Variants in KRTAP12-2 observed in about 807,000 individuals in gnomAD.
The protein encoded by KRTAP12-2 is keratin associated protein 12-2, also known as keratin-associated protein 12-2.
For missense variants in KRTAP12-2, 166 were observed against 184.2 expected (o/e 0.90, Z 0.57); for synonymous variants, 73 against 83.9 (o/e 0.87, Z 0.71).
chr21:44,666,697 C>T lies in KRTAP12-2; in HGVS notation c.190G>A (p.Val64Met). The stretch of plus-strand genomic sequence containing the variant: ...GACTTGAAGCTCATGGGCACACACA[C>T]AGAAGACTGGCAGCTCACGGGCAGG... ...VCLPVSCQSS[V>M]CVPMSFKSAV... The change falls in exon 1 of 1, where the codon GTG becomes ATG. Residue 64 changes from valine (V) to methionine (M), a missense_variant. Physicochemically the swap from Val to Met is conservative, Grantham distance 21. Coordinates refer to ENST00000360770, the MANE Select transcript of KRTAP12-2 (RefSeq NM_181684.3). The T allele has an allele frequency of 1.9e-6, 3 of 1,613,634 alleles. No homozygotes were observed. Among genetic ancestry groups the T allele is most frequent in the Non-Finnish European group, 2.5e-6 (3 of 1,179,804 alleles).
Position 44,666,558 on chromosome 21 carries a change from C to T in KRTAP12-2, c.329G>A (p.Cys110Tyr). The T allele has an allele frequency of 6.3e-7, 1 of 1,599,826 alleles. No homozygotes were observed. Reference protein sequence around the residue: ...CQSSLCVPVSCRPVVYAAPSC... With the variant: ...CQSSLCVPVSYRPVVYAAPSC... ...CGGAGCCGCATACACGACAGGCCTG[C>T]AGCTCACAGGCACGCACAGGGAGGA... The change falls in exon 1 of 1, where the codon TGC becomes TAC. Residue 110 changes from cysteine to tyrosine, a missense_variant. Physicochemically the swap from Cys to Tyr is radical, Grantham distance 194. Coordinates refer to ENST00000360770, the MANE Select transcript of KRTAP12-2 (RefSeq NM_181684.3).
In KRTAP12-2 at chr21:44,666,607, C is replaced by T. The variant is rs781791515; in HGVS notation, c.280G>A (p.Val94Met). ...GACTGGCAGGAGGGGGCTGCACACACAATGGGCCTGCAGCTCACAGGCACA... is the reference window on the plus strand; with the variant it reads ...GACTGGCAGGAGGGGGCTGCACACATAATGGGCCTGCAGCTCACAGGCACA... ...VCVPVSCRPI[V>M]CAAPSCQSSL... The change falls in exon 1 of 1, where the codon GTG becomes ATG. Residue 94 changes from valine (V) to methionine (M), a missense_variant. Coordinates refer to ENST00000360770, the MANE Select transcript of KRTAP12-2 (RefSeq NM_181684.3). 2.5e-5 allele frequency: 41 copies of T among 1,613,166 alleles called. No homozygotes were observed. Among genetic ancestry groups the T allele is most frequent in the Non-Finnish European group, 3.4e-5 (40 of 1,179,458 alleles).
chr21:44,666,888 G>A lies in KRTAP12-2; in HGVS notation c.-2C>T, dbSNP rs375178072. The A allele has an allele frequency of 2.2e-5, 36 of 1,612,830 alleles. No homozygotes were observed. The East Asian group carries it at 7.1e-4, about 32-fold the overall frequency. ...CGAGGAGCAGCTGGTATGACACATG[G>A]TGGCGTGTGGCTGGATAAGGTCGAG... On this transcript the variant is annotated 5_prime_UTR_variant, in exon 1 of 1. Transcript: ENST00000360770.
Position 44,666,330 on chromosome 21 carries a change from C to A in KRTAP12-2, c.*116G>T. The stretch of plus-strand genomic sequence containing the variant: ...TTCTCAATCCAGAATTCAGAGGGTT[C>A]AACTGAGCATGCTTTTCACCTGCAC... On this transcript the variant is annotated 3_prime_UTR_variant, in exon 1 of 1. Transcript: ENST00000360770. 1 of 1,220,836 alleles carries A rather than the reference C, an allele frequency of 8.2e-7. No individual in the cohort carries two copies. The highest frequency in any genetic ancestry group is 1.2e-6 in the Non-Finnish European group (1 of 868,700). The allele number at this position is 1,220,836 out of a possible 1,614,324, so 75.6% of individuals were successfully genotyped here.
chr21:44,666,460 A>C lies in KRTAP12-2; in HGVS notation c.427T>G (p.Ser143Ala), dbSNP rs2838622. The C allele has an allele frequency of 2.5e-6, 4 of 1,584,624 alleles. No homozygotes were observed. The highest frequency in any genetic ancestry group is 3.4e-6 in the Non-Finnish European group (4 of 1,163,938). ...VLCRPISYSI[S>A]SCC ...GAGATTCATGCTCAGCAGCAGGAAG[A>C]GATACTGTAGGAGATGGGTCTGCAG... The change falls in exon 1 of 1, where the codon TCT becomes GCT. Residue 143 changes from serine (S) to alanine (A), a missense_variant. Coordinates refer to ENST00000360770, the MANE Select transcript of KRTAP12-2 (RefSeq NM_181684.3).
Position 44,666,801 on chromosome 21 carries a change from G to T in KRTAP12-2, c.86C>A (p.Ser29Tyr), listed in dbSNP as rs7275281. 1.2e-4 allele frequency: 190 copies of T among 1,613,362 alleles called. 1 individual carries two copies. Among genetic ancestry groups the T allele is most frequent in the South Asian group, 4.6e-4 (42 of 91,076 alleles). The change falls in exon 1 of 1, where the codon TCC becomes TAC. Residue 29 changes from serine to tyrosine, a missense_variant. Physicochemically the swap from Ser to Tyr is moderately radical, Grantham distance 144 (BLOSUM62 -2). Coordinates refer to ENST00000360770, the MANE Select transcript of KRTAP12-2 (RefSeq NM_181684.3). ...PCQPACCVPS[S>Y]CQASCCVPVG... ...AGGCACACAGCAGGATGCCTGGCAG[G>T]AGCTGGGCACACAACAGGCTGGCTG...
Position 44,666,267 on chromosome 21 carries a change from G to T in KRTAP12-2, c.*179C>A. On this transcript the variant is annotated 3_prime_UTR_variant, in exon 1 of 1. Transcript: ENST00000360770. ...GGACCCCAGACTTCCCTGGGGGGAT[G>T]GGCAAGGTCAGCAAGGGCTCCAGAT... 1 of 773,644 alleles carries T rather than the reference G, an allele frequency of 1.3e-6. No homozygotes were observed. Among genetic ancestry groups the T allele is most frequent in the Non-Finnish European group, 2.0e-6 (1 of 495,940 alleles). 47.9% of individuals were successfully genotyped at this position (773,644 alleles called of 1,614,324 possible). A position where few individuals can be genotyped will look rare whatever the true frequency, so the allele number is the denominator to read the frequency against.
In KRTAP12-2 at chr21:44,666,872, G is replaced by T; in HGVS notation, c.15C>A (p.Ser5Arg). ...AGGCTGGCTGGCAGCCCGAGGAGCA[G>T]CTGGTATGACACATGGTGGCGTGTG... Reference protein sequence around the residue: MCHTSCSSGCQPACC... With the variant: MCHTRCSSGCQPACC... Residue 5 changes from serine to arginine, a missense_variant, in exon 1 of 1, where the codon AGC (serine) becomes AGA (arginine). Physicochemically the swap from Ser to Arg is moderately radical, Grantham distance 110 (BLOSUM62 -1). Coordinates refer to ENST00000360770, the MANE Select transcript of KRTAP12-2 (RefSeq NM_181684.3). 1 of 1,613,654 alleles carries T rather than the reference G, an allele frequency of 6.2e-7. No homozygotes were observed. Among genetic ancestry groups the T allele is most frequent in the South Asian group, 1.1e-5 (1 of 91,012 alleles).
chr21:44,666,907 G>C lies in KRTAP12-2; in HGVS notation c.-21C>G. The C allele has an allele frequency of 6.2e-7, 1 of 1,608,620 alleles. No homozygotes were observed. Among genetic ancestry groups the C allele is most frequent in the Non-Finnish European group, 8.5e-7 (1 of 1,176,576 alleles). On this transcript the variant is annotated 5_prime_UTR_variant, in exon 1 of 1. Coordinates refer to ENST00000360770, the MANE Select transcript of KRTAP12-2 (RefSeq NM_181684.3). ...CACATGGTGGCGTGTGGCTGGATAA[G>C]GTCGAGGCAGAGGGCAGTGATGTCT...
Position 44,666,612 on chromosome 21 carries a change from G to C in KRTAP12-2, c.275C>G (p.Pro92Arg). The C allele has an allele frequency of 6.2e-7, 1 of 1,614,106 alleles. No homozygotes were observed. Among genetic ancestry groups the C allele is most frequent in the Non-Finnish European group, 8.5e-7 (1 of 1,180,014 alleles). ...GCAGGAGGGGGCTGCACACACAATG[G>C]GCCTGCAGCTCACAGGCACACACAC... ...SSVCVPVSCRPIVCAAPSCQS... is the reference protein window; with the variant it reads ...SSVCVPVSCRRIVCAAPSCQS... The change falls in exon 1 of 1, where the codon CCC (proline) becomes CGC (arginine). Residue 92 changes from proline to arginine, a missense_variant. Transcript: ENST00000360770.
chr21:44,666,815 AC>A, the KRTAP12-2 span: 1 of 1,610,872 alleles, frequency 6.2e-7, no homozygotes, highest in East Asian at 2.2e-5. Flanking sequence ...TGGGCACACA[AC>A]AGGCTGGCTG....
rs1207654273 is a variant in KRTAP12-2, at chr21:44,666,295, TTC to T, written c.*149_*150del. On this transcript the variant is annotated 3_prime_UTR_variant, in exon 1 of 1. Coordinates refer to ENST00000360770, the MANE Select transcript of KRTAP12-2 (RefSeq NM_181684.3). ...CAAGGTCAGCAAGGGCTCCAGATCA[TTC>T]TGTCACATTCTCAATCCAGAATTCA... 1.0e-6 allele frequency: 1 copy of T among 998,236 alleles called. No individual in the cohort carries two copies. The highest frequency in any genetic ancestry group is 1.5e-6 in the Non-Finnish European group (1 of 683,966). The allele number at this position is 998,236 out of a possible 1,614,324, so 61.8% of individuals were successfully genotyped here.
In KRTAP12-2 at chr21:44,666,752, A is replaced by C; in HGVS notation, c.135T>G (p.Cys45Trp). Residue 45 changes from cysteine (C) to tryptophan (W), a missense_variant, in exon 1 of 1, where the codon TGT becomes TGG. Coordinates refer to ENST00000360770, the MANE Select transcript of KRTAP12-2 (RefSeq NM_181684.3). ...CVPVGCQSSV[C>W]VPVSFKPAVC... Reference sequence around the variant, plus strand: ...CGGCTGGCTTGAAGCTCACGGGCACACACACGGAGGACTGGCAGCCCACAG... The same window carrying C: ...CGGCTGGCTTGAAGCTCACGGGCACCCACACGGAGGACTGGCAGCCCACAG... 6.2e-7 allele frequency: 1 copy of C among 1,613,998 alleles called. No individual in the cohort carries two copies. The highest frequency in any genetic ancestry group is 8.5e-7 in the Non-Finnish European group (1 of 1,179,940).
rs1247674989 is a variant in KRTAP12-2 at position 44,666,330 on chromosome 21, C to T, written c.*116G>A. 2.5e-5 allele frequency: 30 copies of T among 1,220,716 alleles called. No homozygotes were observed. The highest frequency in any genetic ancestry group is 1.5e-5 in the South Asian group (1 of 66,458). 75.6% of individuals were successfully genotyped at this position (1,220,716 alleles called of 1,614,324 possible). A position where few individuals can be genotyped will look rare whatever the true frequency, so the allele number is the denominator to read the frequency against. ...TTCTCAATCCAGAATTCAGAGGGTT[C>T]AACTGAGCATGCTTTTCACCTGCAC... On this transcript the variant is annotated 3_prime_UTR_variant, in exon 1 of 1. Transcript: ENST00000360770.
chr21:44,666,402 G>A lies in KRTAP12-2; in HGVS notation c.*44C>T. Reference sequence around the variant, plus strand: ...GGACTCATCCAGGGAGTGTACAGGTGTGGCCTCATCTGCACTGGGAGCAGC... The same window carrying A: ...GGACTCATCCAGGGAGTGTACAGGTATGGCCTCATCTGCACTGGGAGCAGC... On this transcript the variant is annotated 3_prime_UTR_variant, in exon 1 of 1. Transcript: ENST00000360770. 2 of 1,548,168 alleles carry A rather than the reference G, an allele frequency of 1.3e-6. No individual in the cohort carries two copies. The highest frequency in any genetic ancestry group is 1.7e-6 in the Non-Finnish European group (2 of 1,144,870).
chr21:44,666,200 A>G lies in KRTAP12-2; in HGVS notation c.*246T>C, dbSNP rs190341969. The G allele has an allele frequency of 3.1e-3, 1,562 of 501,818 alleles. 4 individuals carry two copies. Among genetic ancestry groups the G allele is most frequent in the Non-Finnish European group, 4.4e-3 (1,253 of 285,766 alleles). 31.1% of individuals were successfully genotyped at this position (501,818 alleles called of 1,614,324 possible). On this transcript the variant is annotated 3_prime_UTR_variant, in exon 1 of 1. Transcript: ENST00000360770. ...CAGAAATGCAGAGCTGCATGGGGAA[A>G]GCTGGTTTATTTGGCTCTCATGGGG...
chr21:44,666,377 G>A lies in KRTAP12-2; in HGVS notation c.*69C>T, dbSNP rs1404829631. The A allele has an allele frequency of 2.0e-6, 3 of 1,485,728 alleles. No individual in the cohort carries two copies. Among genetic ancestry groups the A allele is most frequent in the African/African-American group, 1.4e-5 (1 of 71,212 alleles). The allele number at this position is 1,485,728 out of a possible 1,614,324, so 92.0% of individuals were successfully genotyped here. On this transcript the variant is annotated 3_prime_UTR_variant, in exon 1 of 1. Transcript: ENST00000360770. ...GCACCATGTGCAGAAGACCAACTGA[G>A]GACTCATCCAGGGAGTGTACAGGTG...
Position 44,666,219 on chromosome 21 carries a change from C to G in KRTAP12-2, c.*227G>C. ...GGGGAAAGCTGGTTTATTTGGCTCT[C>G]ATGGGGTCAGAGAATGACTCTGGGA... is the stretch of plus-strand genomic sequence containing the variant. On this transcript the variant is annotated 3_prime_UTR_variant, in exon 1 of 1. Transcript: ENST00000360770. 1.9e-6 allele frequency: 1 copy of G among 536,962 alleles called. No homozygotes were observed. Among genetic ancestry groups the G allele is most frequent in the Non-Finnish European group, 3.3e-6 (1 of 307,150 alleles). The allele number at this position is 536,962 out of a possible 1,614,324, so 33.3% of individuals were successfully genotyped here. A position where few individuals can be genotyped will look rare whatever the true frequency, so the allele number is the denominator to read the frequency against.
In KRTAP12-2 at chr21:44,666,293, C is replaced by T; in HGVS notation, c.*153G>A. On this transcript the variant is annotated 3_prime_UTR_variant, in exon 1 of 1. Transcript: ENST00000360770. ...GGCAAGGTCAGCAAGGGCTCCAGAT[C>T]ATTCTGTCACATTCTCAATCCAGAA... is the stretch of plus-strand genomic sequence containing the variant. The T allele has an allele frequency of 2.0e-6, 2 of 978,344 alleles. No homozygotes were observed. Among genetic ancestry groups the T allele is most frequent in the Non-Finnish European group, 3.0e-6 (2 of 667,634 alleles). 60.6% of individuals were successfully genotyped at this position (978,344 alleles called of 1,614,324 possible).
Sources: allele counts gnomAD v4.1 joint callset, GRCh38; gene constraint gnomAD v4.1.1; transcripts MANE v1.5; gene names NCBI Gene and HGNC (gene_info 2026-07-23, HGNC 2026-07-21).